Variants in TACC2 observed in about 807,000 individuals in gnomAD.
The protein encoded by TACC2 is transforming acidic coiled-coil-containing protein 2.
In TACC2, 137 loss-of-function variants were observed where a neutral mutation model predicts 227.3. That is an observed-to-expected ratio of 0.60 (90% CI 0.52 to 0.69). The LOEUF is 0.69. Among genes scored for constraint, TACC2 ranks in the 30% least tolerant of loss-of-function variants. The probability of loss-of-function intolerance (pLI) is 0.00; values close to 1 mark genes in which losing one functional copy is unlikely to be tolerated. For synonymous variants in TACC2, 1,523 were observed against 1,487.5 expected, an observed-to-expected ratio of 1.02 and a Z score of -0.55; for missense variants, 3,470 against 3,694.4, an observed-to-expected ratio of 0.94 and a Z score of 1.57.
In TACC2 at chr10:122,050,977, C is replaced by T. The variant is rs1213895259; in HGVS notation, c.146+427C>T. ...AACACAATTACCAAAGCCACCCAAGCCCTTTGTCCCAGGGAGGCTGGTGGA... is the reference window on the plus strand; with the variant it reads ...AACACAATTACCAAAGCCACCCAAGTCCTTTGTCCCAGGGAGGCTGGTGGA... On this transcript the variant is annotated intron_variant, in intron 3 of 22. Transcript: ENST00000369005. The surrounding 1 kb of genome is among the most constrained non-coding windows in gnomAD (Gnocchi z 4.6). 1.2e-5 allele frequency: 2 copies of T among 164,158 alleles called. No individual in the cohort carries two copies. Among genetic ancestry groups the T allele is most frequent in the African/African-American group, 2.4e-5 (1 of 41,654 alleles). The allele number at this position is 164,158 out of a possible 1,614,324, so 10.2% of individuals were successfully genotyped here.
chr10:122,252,135 A>G (rs1179212825), intron 22 of TACC2, among the ~76,000 whole-genome samples: 1 of 152,212 alleles, frequency 6.6e-6, no homozygotes, highest in Non-Finnish European at 1.5e-5. Flanking sequence ...TCACTTTCTA[A>G]CGGGTCTGCT....
intron 7 of TACC2, among the ~76,000 whole-genome samples, chr10:122,179,327 T>C (rs2093876152): frequency 1.3e-5 from 2 of 152,254 alleles, no homozygotes; most frequent in African/African-American, 4.8e-5. Flanking sequence ...TTTAAACCAC[T>C]GATTATGGCT....
intron 1 of TACC2, among the ~76,000 whole-genome samples, chr10:121,989,783 G>A (rs1173521876): frequency 3.3e-5 from 5 of 150,706 alleles, no homozygotes; most frequent in Non-Finnish European, 7.4e-5. Flanking sequence ...TTAGAGATAG[G>A]TTCTTACTCT....
At chr10:122,125,052 C>T (rs2086577047) in intron 5 of TACC2, among the ~76,000 whole-genome samples, 1 of 151,840 alleles carries the variant, frequency 6.6e-6, no homozygotes, top group Admixed American at 6.6e-5. Context: ...ATCCAGTCTT[C>T]AGAACCTGCT....
At position 122,229,498 on chromosome 10, in the gene TACC2, AC is replaced by A; in HGVS notation, c.8037+13del. ...CTCAGAAACTCCAGGTTTGTAGCCCACGTGTGACCTTTTGGGAGTTTGTCAA... is the reference window on the plus strand; with the variant it reads ...CTCAGAAACTCCAGGTTTGTAGCCCAGTGTGACCTTTTGGGAGTTTGTCAA... On this transcript the variant is annotated intron_variant, in intron 15 of 22. Coordinates refer to ENST00000369005, the MANE Select transcript of TACC2 (RefSeq NM_206862.4). The A allele has an allele frequency of 6.2e-7, 1 of 1,613,866 alleles. No homozygotes were observed. The highest frequency in any genetic ancestry group is 8.5e-7 in the Non-Finnish European group (1 of 1,179,984).
At chr10:122,066,819 T>C (rs112317292) in intron 3 of TACC2, among the ~76,000 whole-genome samples, 2,065 of 152,356 alleles carry the variant, frequency 0.014, 41 homozygotes, top group African/African-American at 0.047. Context: ...TTGCCTTCTT[T>C]TGGATTATTT....
intron 10 of TACC2, among the ~76,000 whole-genome samples, chr10:122,216,244 C>A (rs1261558865): frequency 6.6e-6 from 1 of 152,116 alleles, no homozygotes; most frequent in African/African-American, 2.4e-5. Flanking sequence ...TTTCTGCCTC[C>A]AGGGACTGAT....
chr10:122,139,347 G>A (rs1026828654), intron 6 of TACC2, among the ~76,000 whole-genome samples: 7 of 152,206 alleles, frequency 4.6e-5, no homozygotes, highest in Non-Finnish European at 1.0e-4. Context: ...CACGTGAACT[G>A]GCTGGTGCTC....
rs377373006 is a variant in TACC2 at position 122,194,891 on chromosome 10, T to G, written c.5835-149T>G. The G allele has an allele frequency of 1.9e-5, 13 of 699,308 alleles. No homozygotes were observed. The highest frequency in any genetic ancestry group is 3.5e-5 in the African/African-American group (2 of 56,652). The allele number at this position is 699,308 out of a possible 1,614,324, so 43.3% of individuals were successfully genotyped here. On this transcript the variant is annotated intron_variant, in intron 7 of 22. Coordinates refer to ENST00000369005, the MANE Select transcript of TACC2 (RefSeq NM_206862.4). The surrounding 1 kb of genome is among the most constrained non-coding windows in gnomAD (Gnocchi z 4.4). ...AAGATTCAACCTTAGGAATCACGAC[T>G]GAGAAAATGACTTTCCTCTCATCTG...
intron 16 of TACC2, among the ~76,000 whole-genome samples, chr10:122,232,101 A>G (rs1008392581): frequency 1.3e-5 from 2 of 152,286 alleles, no homozygotes; most frequent in Admixed American, 6.5e-5. Flanking sequence ...AAGAATGTCA[A>G]TACAGATTGG....
intron 7 of TACC2, among the ~76,000 whole-genome samples, chr10:122,176,256 A>G (rs1379364211): frequency 6.6e-6 from 1 of 151,930 alleles, no homozygotes; most frequent in Non-Finnish European, 1.5e-5. Context: ...CTGAGTTTTC[A>G]CATTTGTAAA....
chr10:122,191,938 A>G (rs2094425399), intron 7 of TACC2, among the ~76,000 whole-genome samples: 1 of 152,226 alleles, frequency 6.6e-6, no homozygotes, highest in South Asian at 2.1e-4. Flanking sequence ...CTGGGCCTCC[A>G]AAGTGCTGCT....
intron 2 of TACC2, among the ~76,000 whole-genome samples, chr10:122,035,797 C>G (rs1960112748): frequency 6.6e-6 from 1 of 151,984 alleles, no homozygotes; most frequent in South Asian, 2.1e-4. Flanking sequence ...CTTTCCTTCT[C>G]TCCTTCCTTT....
chr10:122,186,509 G>GTTTA (rs761569973), intron 7 of TACC2, among the ~76,000 whole-genome samples: 8 of 151,992 alleles, frequency 5.3e-5, no homozygotes, highest in Non-Finnish European at 1.2e-4. Context: ...GATAAAATGA[G>GTTTA]TTTATTTATT....
At chr10:122,240,407 GTGAGACACTGACCT>G (rs145317386) in intron 18 of TACC2, among the ~76,000 whole-genome samples, 14,036 of 152,270 alleles carry the variant, frequency 0.092, 804 homozygotes, top group South Asian at 0.16. Flanking sequence ...CCATTCTGGG[GTGAGACACTGACCT>G]TGGGACCAAG....
chr10:122,026,405 A>G (rs1380841618), intron 2 of TACC2, among the ~76,000 whole-genome samples: 2 of 149,504 alleles, frequency 1.3e-5, no homozygotes, highest in African/African-American at 2.5e-5. Context: ...TATCAAACCT[A>G]AGAACTCTGC....
intron 5 of TACC2, among the ~76,000 whole-genome samples, chr10:122,121,886 G>A (rs1003830306): frequency 6.6e-6 from 1 of 152,164 alleles, no homozygotes; most frequent in Non-Finnish European, 1.5e-5. Context: ...CCTCCCCTGG[G>A]GCTGTGCCGC....
chr10:122,178,250 T>C (rs2093816753), intron 7 of TACC2, among the ~76,000 whole-genome samples: 1 of 151,080 alleles, frequency 6.6e-6, no homozygotes, highest in Non-Finnish European at 1.5e-5. Flanking sequence ...TTTTTTTTTT[T>C]TTTTTGAGAC....
At chr10:122,226,344 T>TA in intron 12 of TACC2, 22 bp from the exon 13 acceptor site, 1 of 1,562,186 alleles carries the variant, frequency 6.4e-7, no homozygotes, top group Non-Finnish European at 8.8e-7. Flanking sequence ...CCCAAGCTGA[T>TA]ATGTGATTTT....
Sources: allele counts gnomAD v4.1 joint callset (sites outside exome capture counted in the v4.1 genomes callset), GRCh38; gene constraint gnomAD v4.1.1; non-coding constraint Gnocchi (gnomAD v3.1); transcripts MANE v1.5; gene names NCBI Gene and HGNC (gene_info 2026-07-23, HGNC 2026-07-21).